Variants in ATP11B observed in about 807,000 individuals in gnomAD.
ATP11B encodes phospholipid-transporting ATPase IF.
In ATP11B, 81 loss-of-function variants were observed where a neutral mutation model predicts 157.8. That is an observed-to-expected ratio of 0.51 (90% confidence interval 0.43 to 0.62). The LOEUF is 0.62. ATP11B is among the 20% of genes least tolerant of loss of function. The pLI, the probability that ATP11B is intolerant of heterozygous loss-of-function variation, is 0.00. For missense variants in ATP11B, 1,165 were observed against 1,402.2 expected (o/e 0.83, Z 2.70); for synonymous variants, 451 against 469.4 (o/e 0.96, Z 0.51).
chr3:182,836,188 C>T (rs1006565828), intron 5 of ATP11B, 46 bp downstream of exon 5: 2 of 1,573,356 alleles, frequency 1.3e-6, no homozygotes, highest in Non-Finnish European at 8.7e-7. Flanking sequence ...CTTGATATCA[C>T]AGGACATAAT....
intron 1 of ATP11B, among the ~76,000 whole-genome samples, chr3:182,809,288 G>C (rs1055928986): frequency 1.3e-5 from 2 of 150,876 alleles, no homozygotes; most frequent in Non-Finnish European, 3.0e-5. Context: ...TTGGTCTGTC[G>C]CCCAGGCTGG....
chr3:182,881,120 C>T, intron 21 of ATP11B, 139 bp downstream of exon 21: 1 of 559,930 alleles, frequency 1.8e-6, no homozygotes, highest in South Asian at 3.0e-5. Context: ...AATAATATAG[C>T]ACAGTGTGCC....
chr3:182,796,506 T>G (rs1401071332), intron 1 of ATP11B, among the ~76,000 whole-genome samples: 1 of 152,236 alleles, frequency 6.6e-6, no homozygotes, highest in East Asian at 1.9e-4. Context: ...ATGTGTCTAT[T>G]GGCTGCCATT....
rs1722691657 is a variant in ATP11B at position 182,884,823 on chromosome 3, C to T, written c.2580C>T (p.Leu860=). 1 of 1,601,322 alleles carries T rather than the reference C, an allele frequency of 6.2e-7. No homozygotes were observed. The highest frequency in any genetic ancestry group is 1.1e-5 in the South Asian group (1 of 88,212). Residue 860 remains leucine, a synonymous_variant, in exon 22 of 30, where the codon CTC becomes CTT. Coordinates refer to ENST00000323116, the MANE Select transcript of ATP11B (RefSeq NM_014616.3). The part of the protein sequence containing the change: ...SDYAIARFKF[L]SKLLFVHGHF... ...ATGCAATAGCCAGATTTAAGTTCCT[C>T]TCCAAATTGCTTTTTGTTCATGGTC...
intron 1 of ATP11B, among the ~76,000 whole-genome samples, chr3:182,812,753 T>TTTTAAGTGTACAG: frequency 6.6e-6 from 1 of 152,336 alleles, no homozygotes; most frequent in Admixed American, 6.5e-5. Context: ...TTTTAACCAT[T>TTTTAAGTGTACAG]TTTAAGTGTA....
intron 10 of ATP11B, among the ~76,000 whole-genome samples, chr3:182,854,666 G>A (rs971842461): frequency 2.0e-5 from 3 of 151,654 alleles, no homozygotes; most frequent in Non-Finnish European, 4.4e-5. Context: ...GAACATACAC[G>A]TTACAAACTG....
intron 17 of ATP11B, among the ~76,000 whole-genome samples, chr3:182,871,879 T>C (rs929552743): frequency 1.3e-5 from 2 of 152,000 alleles, no homozygotes; most frequent in African/African-American, 4.8e-5. Context: ...GCAGTGATGC[T>C]ATTTCGGCTC....
chr3:182,845,747 T>C (rs1719464526), intron 9 of ATP11B, among the ~76,000 whole-genome samples: 1 of 152,242 alleles, frequency 6.6e-6, no homozygotes, highest in South Asian at 2.1e-4. Flanking sequence ...TCTTATGTTA[T>C]CTTTACGGAT....
chr3:182,877,597 ACACCACTG>A (rs1722133683), intron 19 of ATP11B, among the ~76,000 whole-genome samples: 1 of 152,142 alleles, frequency 6.6e-6, no homozygotes, highest in African/African-American at 2.4e-5. Flanking sequence ...AGTTGTGATC[ACACCACTG>A]CACTCCAGCC....
chr3:182,868,274 C>G (rs1202134000), intron 15 of ATP11B, among the ~76,000 whole-genome samples: 1 of 150,114 alleles, frequency 6.7e-6, no homozygotes, highest in African/African-American at 2.5e-5. Context: ...ATACTTACTC[C>G]TTTCATGGTT....
At chr3:182,907,199 A>G (rs763761636) in intron 28 of ATP11B, among the ~76,000 whole-genome samples, 6 of 152,200 alleles carry the variant, frequency 3.9e-5, no homozygotes, top group Non-Finnish European at 5.9e-5. Flanking sequence ...GATATGCAGA[A>G]TATTTGGATT....
intron 4 of ATP11B, among the ~76,000 whole-genome samples, chr3:182,832,187 T>G (rs569681987): frequency 6.6e-6 from 1 of 152,116 alleles, no homozygotes; most frequent in Non-Finnish European, 1.5e-5. Flanking sequence ...CCTTCCAAAA[T>G]TGGTTTAAGT....
intron 1 of ATP11B, among the ~76,000 whole-genome samples, chr3:182,794,539 A>C (rs759540662): frequency 6.6e-6 from 1 of 152,228 alleles, no homozygotes; most frequent in African/African-American, 2.4e-5. Flanking sequence ...GGCAGTTTGA[A>C]CGACACAGGT....
intron 11 of ATP11B, 111 bp downstream of exon 11, chr3:182,858,139 G>T: frequency 1.1e-6 from 1 of 917,384 alleles, no homozygotes; most frequent in African/African-American, 1.7e-5. Context: ...AAAACTGTTG[G>T]TACTGAAGGG....
chr3:182,885,810 T>C (rs2108565769), intron 22 of ATP11B, 141 bp from the exon 23 acceptor site: 1 of 496,132 alleles, frequency 2.0e-6, no homozygotes, highest in South Asian at 4.3e-5. Flanking sequence ...ATTCCTGTTA[T>C]ATATGGACAA....
At chr3:182,842,042 T>C in intron 7 of ATP11B, 33 bp from the exon 8 acceptor site, 1 of 1,474,184 alleles carries the variant, frequency 6.8e-7, no homozygotes, top group Middle Eastern at 1.8e-4. Context: ...ATAAGTGATA[T>C]TATATGTTTT....
intron 2 of ATP11B, among the ~76,000 whole-genome samples, chr3:182,826,864 A>G (rs1345718418): frequency 2.0e-5 from 3 of 152,146 alleles, no homozygotes; most frequent in South Asian, 2.1e-4. Flanking sequence ...AACTTTTGAC[A>G]ATGAAAATCC....
chr3:182,853,655 G>A (rs1720154414), intron 10 of ATP11B, among the ~76,000 whole-genome samples: 1 of 152,058 alleles, frequency 6.6e-6, no homozygotes, highest in African/African-American at 2.4e-5. Context: ...AACATGGCAA[G>A]ATAAATTAAG....
intron 4 of ATP11B, among the ~76,000 whole-genome samples, chr3:182,832,648 T>G (rs746009246): frequency 2.0e-5 from 3 of 152,202 alleles, no homozygotes; most frequent in African/African-American, 7.2e-5. Flanking sequence ...ACTTACACTT[T>G]AATATGAATG....
Sources: allele counts gnomAD v4.1 joint callset (sites outside exome capture counted in the v4.1 genomes callset), GRCh38; gene constraint gnomAD v4.1.1; transcripts MANE v1.5; gene names NCBI Gene and HGNC (gene_info 2026-07-23, HGNC 2026-07-21).